MNAT1: variants seen among roughly 807,000 people sequenced by gnomAD.
MNAT1 encodes the protein CDK-activating kinase assembly factor MAT1.
Under a neutral mutation model 42.0 loss-of-function variants are expected in MNAT1, and 43 were observed. That is an observed-to-expected ratio of 1.02 (90% CI 0.80 to 1.32). The LOEUF is 1.32. MNAT1 is among the 40% of genes most tolerant of loss of function. The pLI is 0.00. For synonymous variants in MNAT1, 118 were observed against 120.0 expected (o/e 0.98, Z 0.11); for missense variants, 306 against 350.4 (o/e 0.87, Z 1.01).
At chr14:60,788,001 T>C (rs1393998676) in intron 1 of MNAT1, among the ~76,000 whole-genome samples, 1 of 152,200 alleles carries the variant, frequency 6.6e-6, no homozygotes. Flanking sequence ...TAATGGCATC[T>C]AGAATGGTGA....
In MNAT1 at chr14:60,824,820, C is replaced by T. The variant is rs1465430684; in HGVS notation, c.687+5973C>T. On this transcript the variant is annotated intron_variant, in intron 6 of 7. Transcript: ENST00000261245. ...GTTACCATTAATGTTTGTTATTTTT[C>T]GTAGTTAGATATATAAATGAATTAT... Among the ~76,000 whole-genome samples the T allele has an allele frequency of 4.6e-5, 7 of 152,100 alleles. No homozygotes were observed. The East Asian group carries it at 7.7e-4, about 17-fold the overall frequency.
At chr14:60,891,444 C>CTTGTTTTGT (rs1414837658) in intron 7 of MNAT1, among the ~76,000 whole-genome samples, 1 of 150,512 alleles carries the variant, frequency 6.6e-6, no homozygotes, top group Non-Finnish European at 1.5e-5. Context: ...TAAGACTTTT[C>CTTGTTTTGT]TTGTTTTGTT....
At chr14:60,940,438 G>A (rs2036120719) in intron 7 of MNAT1, among the ~76,000 whole-genome samples, 1 of 152,180 alleles carries the variant, frequency 6.6e-6, no homozygotes, top group Admixed American at 6.5e-5. Flanking sequence ...GTTGTTTTGA[G>A]ACGGATTTTC....
At chr14:60,829,935 C>T (rs2033167761) in intron 6 of MNAT1, among the ~76,000 whole-genome samples, 1 of 152,256 alleles carries the variant, frequency 6.6e-6, no homozygotes, top group South Asian at 2.1e-4. Context: ...GTTCCTATAA[C>T]ATTTGCAAAG....
intron 6 of MNAT1, among the ~76,000 whole-genome samples, chr14:60,844,775 CT>C (rs957686250): frequency 2.0e-5 from 3 of 151,960 alleles, no homozygotes; most frequent in Non-Finnish European, 4.4e-5. Context: ...TCATGAATGT[CT>C]TTCATCAGAT....
intron 1 of MNAT1, among the ~76,000 whole-genome samples, chr14:60,758,527 C>T (rs888181777): frequency 7.2e-5 from 11 of 151,878 alleles, no homozygotes; most frequent in Non-Finnish European, 1.5e-4. Context: ...CAACTGTCTC[C>T]TGGCCGAGGA....
intron 6 of MNAT1, among the ~76,000 whole-genome samples, chr14:60,850,604 C>T (rs1046115132): frequency 1.3e-5 from 2 of 152,116 alleles, no homozygotes; most frequent in Admixed American, 6.5e-5. Context: ...GGGCAAATAA[C>T]CTTATTCATG....
intron 7 of MNAT1, among the ~76,000 whole-genome samples, chr14:60,945,530 G>A (rs1316109088): frequency 1.3e-5 from 2 of 152,056 alleles, no homozygotes; most frequent in Non-Finnish European, 2.9e-5. Context: ...ATGAGAGAAG[G>A]GCTTAGGCCA....
intron 7 of MNAT1, among the ~76,000 whole-genome samples, chr14:60,893,085 G>A (rs2034880031): frequency 1.3e-5 from 2 of 151,776 alleles, no homozygotes; most frequent in South Asian, 2.1e-4. Flanking sequence ...TATACCTTTT[G>A]ATTATCTTTT....
At chr14:60,838,024 T>A (rs545126133) in intron 6 of MNAT1, among the ~76,000 whole-genome samples, 1 of 152,316 alleles carries the variant, frequency 6.6e-6, no homozygotes, top group African/African-American at 2.4e-5. Context: ...ATTCCTGATA[T>A]TAGTAATTTA....
intron 7 of MNAT1, among the ~76,000 whole-genome samples, chr14:60,935,579 T>C (rs1386156958): frequency 1.3e-5 from 2 of 152,152 alleles, no homozygotes. Context: ...TAACAAATAC[T>C]GTGAGTGTGT....
intron 7 of MNAT1, among the ~76,000 whole-genome samples, chr14:60,889,252 A>C (rs2034770487): frequency 6.6e-6 from 1 of 152,198 alleles, no homozygotes; most frequent in Non-Finnish European, 1.5e-5. Context: ...CAAAACAGAG[A>C]TATAGATCAA....
At chr14:60,932,282 A>G (rs2035905834) in intron 7 of MNAT1, among the ~76,000 whole-genome samples, 1 of 151,864 alleles carries the variant, frequency 6.6e-6, no homozygotes, top group African/African-American at 2.4e-5. Flanking sequence ...AATAATATTT[A>G]GTTTTTCTTC....
At chr14:60,916,433 T>C (rs979636313) in intron 7 of MNAT1, among the ~76,000 whole-genome samples, 11 of 151,732 alleles carry the variant, frequency 7.2e-5, no homozygotes, top group Admixed American at 3.9e-4. Flanking sequence ...GGCACAAGGA[T>C]CGCTTGAGCC....
chr14:60,760,916 C>T (rs1403094941), intron 1 of MNAT1, among the ~76,000 whole-genome samples: 1 of 152,204 alleles, frequency 6.6e-6, no homozygotes, highest in East Asian at 1.9e-4. Context: ...TAGGTGTTCT[C>T]ATTCAACAGC....
At chr14:60,791,783 CAAA>C (rs1265109086) in intron 1 of MNAT1, among the ~76,000 whole-genome samples, 1 of 152,032 alleles carries the variant, frequency 6.6e-6, no homozygotes, top group Non-Finnish European at 1.5e-5. Flanking sequence ...TTTAAAATTA[CAAA>C]TATCTGGGCT....
At chr14:60,777,363 T>A (rs373236600) in intron 1 of MNAT1, among the ~76,000 whole-genome samples, 1 of 152,058 alleles carries the variant, frequency 6.6e-6, no homozygotes, top group Non-Finnish European at 1.5e-5. Context: ...GTTGGGAGGA[T>A]CGCTTAAGGC....
chr14:60,772,418 C>G (rs1309225322), intron 1 of MNAT1, among the ~76,000 whole-genome samples: 2 of 152,170 alleles, frequency 1.3e-5, no homozygotes. Flanking sequence ...AACCCTGTCT[C>G]TACTAAAAAT....
At chr14:60,779,072 T>G (rs1351785545) in intron 1 of MNAT1, among the ~76,000 whole-genome samples, 1 of 152,192 alleles carries the variant, frequency 6.6e-6, no homozygotes, top group East Asian at 1.9e-4. Flanking sequence ...GCCTGCTGTC[T>G]GGTCACTTTG....
Sources: allele counts gnomAD v4.1 joint callset (sites outside exome capture counted in the v4.1 genomes callset), GRCh38; gene constraint gnomAD v4.1.1; transcripts MANE v1.5; gene names NCBI Gene and HGNC (gene_info 2026-07-23, HGNC 2026-07-21).